Variants in SDK1 observed in about 807,000 individuals in gnomAD.
The protein encoded by SDK1 is sidekick cell adhesion molecule 1.
In SDK1, 157 loss-of-function variants were observed where a neutral mutation model predicts 245.5. That is an observed-to-expected ratio of 0.64 (90% CI 0.56 to 0.73). SDK1 has a LOEUF of 0.73. SDK1 is among the 30% of genes least tolerant of loss of function. The pLI is 0.00. For synonymous variants in SDK1, 1,647 were observed against 1,278.5 expected, an observed-to-expected ratio of 1.29 and a Z score of -6.15; for missense variants, 3,583 against 3,002.3, an observed-to-expected ratio of 1.19 and a Z score of -4.52.
At chr7:3,880,786 C>G (rs1781190179) in intron 5 of SDK1, among the ~76,000 whole-genome samples, 1 of 152,236 alleles carries the variant, frequency 6.6e-6, no homozygotes, top group East Asian at 1.9e-4. Flanking sequence ...CCTCCAGAGG[C>G]TGCGGCTCGC....
chr7:3,604,489 T>C (rs1781354410), intron 1 of SDK1, among the ~76,000 whole-genome samples: 1 of 152,150 alleles, frequency 6.6e-6, no homozygotes, highest in Admixed American at 6.5e-5. Context: ...TCAACACTTC[T>C]TTAGCTGCAT....
intron 4 of SDK1, among the ~76,000 whole-genome samples, chr7:3,673,264 C>T (rs1265218883): frequency 6.6e-6 from 1 of 152,284 alleles, no homozygotes; most frequent in East Asian, 1.9e-4. Context: ...ATTGCAGGAA[C>T]AAATCCCATG....
chr7:3,370,503 A>C (rs768524379), intron 1 of SDK1, among the ~76,000 whole-genome samples: 2 of 152,214 alleles, frequency 1.3e-5, no homozygotes, highest in Non-Finnish European at 2.9e-5. Flanking sequence ...AAGATGATGT[A>C]ATCACTTAAA....
chr7:3,443,787 A>T, intron 1 of SDK1, among the ~76,000 whole-genome samples: 1 of 152,124 alleles, frequency 6.6e-6, no homozygotes, highest in Non-Finnish European at 1.5e-5. Flanking sequence ...TTATTTTTAG[A>T]TTCTTTCTTA....
chr7:3,484,677 T>C (rs1781622407), intron 1 of SDK1, among the ~76,000 whole-genome samples: 1 of 152,168 alleles, frequency 6.6e-6, no homozygotes, highest in Non-Finnish European at 1.5e-5. Flanking sequence ...CTGCCCTTCC[T>C]AGCCTCTGGG....
intron 4 of SDK1, among the ~76,000 whole-genome samples, chr7:3,689,504 G>A (rs549839050): frequency 1.2e-4 from 19 of 152,282 alleles, no homozygotes; most frequent in South Asian, 1.0e-3. Flanking sequence ...GATTCCCTAC[G>A]TGTAGTATTT....
At position 4,129,173 on chromosome 7, in the gene SDK1, C is replaced by G. The variant is rs373835343; in HGVS notation, c.3940-735C>G. Among the ~76,000 whole-genome samples the G allele has an allele frequency of 6.3e-5, 9 of 142,054 alleles. No individual in the cohort carries two copies. The East Asian group carries it at 1.6e-3, about 26-fold the overall frequency. The allele number at this position is 142,054 out of a possible 152,430, so 93.2% of individuals were successfully genotyped here. On this transcript the variant is annotated intron_variant, in intron 26 of 44. Transcript: ENST00000404826. ...TAGGGTTGGGTGCCCTGGAGGAGAG[C>G]ACCTTGGGGTAGGGTGCCCTGGAAT...
intron 4 of SDK1, among the ~76,000 whole-genome samples, chr7:3,697,540 C>CA (rs1784609872): frequency 6.6e-6 from 1 of 152,110 alleles, no homozygotes; most frequent in African/African-American, 2.4e-5. Flanking sequence ...TCTAATACCC[C>CA]TTTTTTTGAG....
chr7:3,997,128 T>A (rs1412318795), intron 14 of SDK1, among the ~76,000 whole-genome samples: 1 of 152,228 alleles, frequency 6.6e-6, no homozygotes, highest in Non-Finnish European at 1.5e-5. Context: ...TAGATTAGGT[T>A]TTCTTGTTTT....
chr7:3,992,931 TACTG>T (rs1346429400), intron 14 of SDK1, among the ~76,000 whole-genome samples: 4 of 152,256 alleles, frequency 2.6e-5, no homozygotes, highest in South Asian at 2.1e-4. Flanking sequence ...GCTCTGCAGA[TACTG>T]ACCCGTTTTG....
intron 28 of SDK1, among the ~76,000 whole-genome samples, chr7:4,140,015 A>G (rs1375807899): frequency 6.6e-6 from 1 of 152,098 alleles, no homozygotes; most frequent in Non-Finnish European, 1.5e-5. Context: ...AGCTCTGCAA[A>G]CGGTGATTCC....
intron 1 of SDK1, among the ~76,000 whole-genome samples, chr7:3,476,725 C>T (rs1256801672): frequency 6.6e-6 from 1 of 152,088 alleles, no homozygotes; most frequent in Non-Finnish European, 1.5e-5. Context: ...CCTCTGTAAC[C>T]GTTCACTGAG....
In SDK1 at chr7:3,545,631, G is replaced by A. The variant is rs556713520; in HGVS notation, c.299-73449G>A. On this transcript the variant is annotated intron_variant, in intron 1 of 44. Coordinates refer to ENST00000404826, the MANE Select transcript of SDK1 (RefSeq NM_152744.4). ...TTACATGATTGAAATGAAACCACCTGGCAACCCTCTGCTATGGTGCCCATG... is the reference window on the plus strand; with the variant it reads ...TTACATGATTGAAATGAAACCACCTAGCAACCCTCTGCTATGGTGCCCATG... Among the ~76,000 whole-genome samples the A allele has an allele frequency of 4.6e-5, 7 of 152,288 alleles. No homozygotes were observed. The South Asian group carries it at 1.0e-3, about 23-fold the overall frequency.
At chr7:3,681,158 T>A (rs1360047336) in intron 4 of SDK1, among the ~76,000 whole-genome samples, 2 of 151,956 alleles carry the variant, frequency 1.3e-5, no homozygotes, top group African/African-American at 4.8e-5. Flanking sequence ...TTGTATTTCT[T>A]TATAGTTTCA....
At chr7:4,205,835 C>A in intron 35 of SDK1, 44 bp from the exon 36 acceptor site, 1 of 1,487,486 alleles carries the variant, frequency 6.7e-7, no homozygotes, top group African/African-American at 1.4e-5. Context: ...CGGGCCGGCT[C>A]TGAATGAACG....
chr7:3,721,264 C>T (rs916712930), intron 4 of SDK1, among the ~76,000 whole-genome samples: 2 of 152,136 alleles, frequency 1.3e-5, no homozygotes, highest in African/African-American at 2.4e-5. Context: ...TGAGTGCAGG[C>T]ACTGCTGGTG....
chr7:3,516,123 T>C (rs1782741330), intron 1 of SDK1, among the ~76,000 whole-genome samples: 2 of 151,762 alleles, frequency 1.3e-5, no homozygotes, highest in South Asian at 4.1e-4. Context: ...ATTTTCTTTT[T>C]TTTTTTTTGG....
chr7:4,129,776 T>G, intron 26 of SDK1, 132 bp from the exon 27 acceptor site: 4 of 1,505,980 alleles, frequency 2.7e-6, no homozygotes, highest in Non-Finnish European at 2.6e-6. Flanking sequence ...CCAGAAGCCC[T>G]GCACACAGCC....
At chr7:3,547,341 T>C (rs950078684) in intron 1 of SDK1, among the ~76,000 whole-genome samples, 2 of 152,142 alleles carry the variant, frequency 1.3e-5, no homozygotes, top group Non-Finnish European at 2.9e-5. Flanking sequence ...ATGTGGTAAA[T>C]AAAAATTAAC....
Sources: gnomAD v4.1 joint callset for allele counts (sites outside exome capture counted in the v4.1 genomes callset) on GRCh38, gnomAD v4.1.1 for gene constraint, MANE v1.5 for transcripts, NCBI Gene and HGNC (gene_info 2026-07-23, HGNC 2026-07-21) for gene names.